Variants in DOCK4 observed in about 807,000 individuals in gnomAD.
The protein encoded by DOCK4 is dedicator of cytokinesis 4, also known as dedicator of cytokinesis protein 4.
Under a neutral mutation model 268.1 loss-of-function variants are expected in DOCK4, and 97 were observed. That is an observed-to-expected ratio of 0.36 (90% CI 0.31 to 0.43). DOCK4 has a LOEUF of 0.43. DOCK4 is among the 20% of genes least tolerant of loss of function. The pLI is 1.00. For synonymous variants in DOCK4, 954 were observed against 887.2 expected (o/e 1.08, Z -1.34); for missense variants, 2,145 against 2,455.7 (o/e 0.87, Z 2.67).
At chr7:111,904,877 G>A (rs1006176401) in intron 13 of DOCK4, among the ~76,000 whole-genome samples, 4 of 152,162 alleles carry the variant, frequency 2.6e-5, no homozygotes, top group African/African-American at 9.6e-5. Flanking sequence ...AAGAACCTCC[G>A]GAAATTAACA....
intron 16 of DOCK4, among the ~76,000 whole-genome samples, chr7:111,893,070 T>G (rs1422343561): frequency 6.6e-6 from 1 of 152,120 alleles, no homozygotes; most frequent in East Asian, 1.9e-4. Context: ...AAATTTCCCT[T>G]TATGGATTAG....
At chr7:112,147,799 T>C (rs897524047) in intron 1 of DOCK4, among the ~76,000 whole-genome samples, 7 of 28,384 alleles carry the variant, frequency 2.5e-4, no homozygotes, top group Admixed American at 1.8e-3. Flanking sequence ...ACGTAGATTT[T>C]TTTTTTTTTT....
At position 111,877,075 on chromosome 7, in the gene DOCK4, A is replaced by G. The variant is rs1363745647; in HGVS notation, c.1699T>C (p.Phe567Leu). Residue 567 changes from phenylalanine to leucine, a missense_variant, in exon 17 of 53, where the codon TTT (phenylalanine) becomes CTT (leucine). Phe to Leu is a conservative substitution (Grantham distance 22). Transcript: ENST00000428084. ...NQAMKATKES[F>L]CITSFLCSTK... is the part of the protein sequence containing the mutation. ...GAACAGAGAAAAGATGTAATACAAA[A>G]GGACTCCTTTGTGGCCTTCATGGCT... 8 of 1,578,238 alleles carry G rather than the reference A, an allele frequency of 5.1e-6. No individual in the cohort carries two copies. In the African/African-American group the frequency reaches 1.1e-4, roughly 22 times the overall value.
Position 111,760,173 on chromosome 7 carries a change from G to A in DOCK4, c.4162+8C>T. 6.2e-7 allele frequency: 1 copy of A among 1,613,874 alleles called. No individual in the cohort carries two copies. Reference sequence around the variant, plus strand: ...CTCACTGAGTCCAGCCCTTGTAGGTGCGGATACACTGAGCTTCTGCCTGGA... The same window carrying A: ...CTCACTGAGTCCAGCCCTTGTAGGTACGGATACACTGAGCTTCTGCCTGGA... On this transcript the variant is annotated splice_region_variant and intron_variant, in intron 40 of 52. Coordinates refer to ENST00000428084, the MANE Select transcript of DOCK4 (RefSeq NM_001363540.2).
At chr7:111,786,491 C>A (rs1799176688) in intron 32 of DOCK4, among the ~76,000 whole-genome samples, 1 of 152,062 alleles carries the variant, frequency 6.6e-6, no homozygotes, top group South Asian at 2.1e-4. Context: ...ATAAGTTTCA[C>A]AAAGATGTAG....
intron 13 of DOCK4, among the ~76,000 whole-genome samples, chr7:111,915,203 T>A (rs774456916): frequency 1.3e-5 from 2 of 152,232 alleles, no homozygotes; most frequent in African/African-American, 4.8e-5. Flanking sequence ...CTGGCATTCA[T>A]GTCACACTGT....
chr7:111,968,396 G>A (rs1443085529), intron 8 of DOCK4, among the ~76,000 whole-genome samples: 4 of 76,286 alleles, frequency 5.2e-5, no homozygotes, highest in Middle Eastern at 6.6e-3. Flanking sequence ...AAAAGTGGGC[G>A]AAGGACATGA....
intron 35 of DOCK4, 42 bp from the exon 36 acceptor site, chr7:111,778,411 C>G: frequency 1.5e-6 from 2 of 1,329,632 alleles, no homozygotes; most frequent in African/African-American, 1.5e-5. Flanking sequence ...CCTCAACAAT[C>G]TGGCCTACAA....
chr7:112,036,882 T>C (rs1434889563), intron 1 of DOCK4, among the ~76,000 whole-genome samples: 1 of 152,004 alleles, frequency 6.6e-6, no homozygotes, highest in African/African-American at 2.4e-5. Flanking sequence ...GCTGGTCTCA[T>C]ACTCCTGACC....
At chr7:111,775,504 G>T (rs1046763560) in intron 36 of DOCK4, among the ~76,000 whole-genome samples, 24 of 152,124 alleles carry the variant, frequency 1.6e-4, no homozygotes, top group Admixed American at 2.6e-4. Flanking sequence ...GATGGACTGA[G>T]GAAAAAAACG....
At chr7:111,919,050 C>T (rs1792868928) in intron 12 of DOCK4, among the ~76,000 whole-genome samples, 1 of 151,954 alleles carries the variant, frequency 6.6e-6, no homozygotes, top group African/African-American at 2.4e-5. Context: ...AAAAACTGAT[C>T]AAGATTCTTG....
intron 11 of DOCK4, among the ~76,000 whole-genome samples, chr7:111,936,465 T>A (rs2134726319): frequency 6.6e-6 from 1 of 151,384 alleles, no homozygotes; most frequent in Admixed American, 6.6e-5. Context: ...TGTGGATGCT[T>A]AAAAACTGTC....
chr7:112,066,632 A>G (rs1806993744), intron 1 of DOCK4, among the ~76,000 whole-genome samples: 1 of 140,742 alleles, frequency 7.1e-6, no homozygotes. Flanking sequence ...ACGTGTATAT[A>G]TACACACATA....
At chr7:111,734,977 A>C in intron 51 of DOCK4, 77 bp downstream of exon 51, 1 of 1,171,816 alleles carries the variant, frequency 8.5e-7, no homozygotes, top group Admixed American at 2.0e-5. Context: ...CCTTTCTCTC[A>C]GGAATTCAGG....
intron 1 of DOCK4, among the ~76,000 whole-genome samples, chr7:112,183,266 T>G (rs1260087464): frequency 6.6e-6 from 1 of 151,318 alleles, no homozygotes; most frequent in Non-Finnish European, 1.5e-5. Flanking sequence ...GGTCCTCCAT[T>G]TGGGAATAGG....
intron 30 of DOCK4, among the ~76,000 whole-genome samples, chr7:111,802,403 C>G (rs1002981140): frequency 1.3e-5 from 2 of 152,204 alleles, no homozygotes; most frequent in African/African-American, 4.8e-5. Context: ...AGCAGAGCCC[C>G]AGCTATGCTC....
At chr7:112,023,481 C>G (rs1259484994) in intron 1 of DOCK4, 1 of 340,686 alleles carries the variant, frequency 2.9e-6, no homozygotes, top group Non-Finnish European at 5.8e-6. Flanking sequence ...ATTATAAAAA[C>G]ACATCCTTTG....
At chr7:111,735,884 T>G (rs1795440402) in intron 50 of DOCK4, among the ~76,000 whole-genome samples, 1 of 152,174 alleles carries the variant, frequency 6.6e-6, no homozygotes, top group African/African-American at 2.4e-5. Context: ...GTGGGCATGT[T>G]GAGAATTTCA....
chr7:112,080,645 C>CT (rs1808499196), intron 1 of DOCK4, among the ~76,000 whole-genome samples: 1 of 152,184 alleles, frequency 6.6e-6, no homozygotes, highest in South Asian at 2.1e-4. Flanking sequence ...TCCCATTTGG[C>CT]TAAAGGCAGA....
Sources: gnomAD v4.1 joint callset for allele counts (sites outside exome capture counted in the v4.1 genomes callset) on GRCh38, gnomAD v4.1.1 for gene constraint, MANE v1.5 for transcripts, NCBI Gene and HGNC (gene_info 2026-07-23, HGNC 2026-07-21) for gene names.